The following TENM3 variants were observed in gnomAD, a reference collection of about 807,000 sequenced individuals.
TENM3 encodes the protein teneurin-3.
In TENM3, 63 loss-of-function variants were observed where a neutral mutation model predicts 255.1. The ratio of observed to expected loss-of-function variants is 0.25; its 90% CI spans 0.20 to 0.30. The LOEUF (loss-of-function observed/expected upper bound fraction) is 0.30. Among genes scored for constraint, TENM3 ranks in the 10% least tolerant of loss-of-function variants. The pLI, the probability that TENM3 is intolerant of heterozygous loss-of-function variation, is 1.00. For missense variants in TENM3, 2,929 were observed against 3,461.1 expected (o/e 0.85, Z 3.86); for synonymous variants, 1,306 against 1,322.3 (o/e 0.99, Z 0.27).
At chr4:181,569,966 G>A in the TENM3 span, among the ~76,000 whole-genome samples, 1 of 151,772 alleles carries the variant, frequency 6.6e-6, no homozygotes, top group Non-Finnish European at 1.5e-5. Context: ...GTTAGGAGGT[G>A]TGTGCAGGTA....
chr4:182,487,174 A>ATAGC (rs756383853), intron 3 of TENM3, among the ~76,000 whole-genome samples: 11 of 152,306 alleles, frequency 7.2e-5, no homozygotes, highest in Non-Finnish European at 1.2e-4. Context: ...AGAAACAGCC[A>ATAGC]TAGCTAGCCC....
In TENM3 at chr4:182,778,247, G is replaced by C. The variant is rs140138873; in HGVS notation, c.5304+3094G>C. ...CCCCTAAAGCTGCCCAGATTCAGAGGCTTAGAGAAAAAAAAATCGTAGTGA... is the reference window on the plus strand; with the variant it reads ...CCCCTAAAGCTGCCCAGATTCAGAGCCTTAGAGAAAAAAAAATCGTAGTGA... On this transcript the variant is annotated intron_variant, in intron 24 of 27. Transcript: ENST00000511685. Among the ~76,000 whole-genome samples the C allele has an allele frequency of 5.8e-3, 875 of 151,938 alleles. 5 individuals are homozygous for C. The highest frequency in any genetic ancestry group is 0.02 in the African/African-American group (816 of 41,436).
the TENM3 span, among the ~76,000 whole-genome samples, chr4:181,630,358 A>C: frequency 6.6e-6 from 1 of 151,796 alleles, no homozygotes; most frequent in Non-Finnish European, 1.5e-5. Flanking sequence ...CTCTGATTTT[A>C]GTTATTTATT....
the TENM3 span, among the ~76,000 whole-genome samples, chr4:181,678,842 A>AAAAC: frequency 4.9e-5 from 2 of 40,566 alleles, no homozygotes; most frequent in Admixed American, 4.1e-4. Flanking sequence ...TGTTTTAAAC[A>AAAAC]AAAAAAAAAA....
chr4:182,788,749 T>C (rs527946602), intron 24 of TENM3, among the ~76,000 whole-genome samples: 1 of 152,322 alleles, frequency 6.6e-6, no homozygotes, highest in South Asian at 2.1e-4. Context: ...CCAGTGTCTT[T>C]TGGGGGAGGA....
the TENM3 span, among the ~76,000 whole-genome samples, chr4:181,522,416 C>A: frequency 1.3e-5 from 2 of 152,132 alleles, no homozygotes; most frequent in African/African-American, 4.8e-5. Flanking sequence ...CCTGATTCAC[C>A]AAGCAGATCC....
the TENM3 span, among the ~76,000 whole-genome samples, chr4:181,893,511 A>T: frequency 3.8e-4 from 18 of 47,654 alleles, no homozygotes; most frequent in African/African-American, 1.4e-3. Flanking sequence ...CACCCCCACC[A>T]TTCCTCTTAG....
At chr4:182,440,162 G>T (rs1474079225) in intron 3 of TENM3, among the ~76,000 whole-genome samples, 2 of 135,400 alleles carry the variant, frequency 1.5e-5, no homozygotes, top group Admixed American at 8.5e-5. Context: ...GCCCAGGCTG[G>T]AGTGCAGCCG....
intron 3 of TENM3, among the ~76,000 whole-genome samples, chr4:182,425,931 C>T (rs1771173683): frequency 1.4e-5 from 2 of 146,266 alleles, no homozygotes; most frequent in South Asian, 4.5e-4. Flanking sequence ...TCACTTGAAC[C>T]CGGGAAGTGG....
chr4:182,468,480 C>G (rs987004730), intron 3 of TENM3, among the ~76,000 whole-genome samples: 1 of 152,180 alleles, frequency 6.6e-6, no homozygotes, highest in African/African-American at 2.4e-5. Flanking sequence ...CAAAGACCTT[C>G]AAAAGCAATG....
chr4:182,032,987 A>G, the TENM3 span, among the ~76,000 whole-genome samples: 2 of 147,460 alleles, frequency 1.4e-5, no homozygotes, highest in Non-Finnish European at 3.0e-5. Context: ...TTTTTTCAAA[A>G]AAAAAGTCCA....
Position 182,149,193 on chromosome 4 carries a change from T to G in TENM3, c.-76+4439T>G, listed in dbSNP as rs193069878. 2.0e-4 allele frequency among the ~76,000 whole-genome samples: 31 copies of G among 152,060 alleles called. No homozygotes were observed. The East Asian group carries it at 5.0e-3, about 25-fold the overall frequency. On this transcript the variant is annotated intron_variant, in intron 1 of 2. Transcript: ENST00000512480. ...ATTGGTGTTTTTCCAGCTTAAGACA[T>G]CCATTTAAAATAGTTTTAAATGCTA...
chr4:181,476,571 G>C, the TENM3 span, among the ~76,000 whole-genome samples: 1 of 152,248 alleles, frequency 6.6e-6, no homozygotes, highest in Middle Eastern at 3.4e-3. Context: ...GGTGAAAACA[G>C]CATTAATTTT....
chr4:181,730,685 G>A, the TENM3 span, among the ~76,000 whole-genome samples: 16 of 152,164 alleles, frequency 1.1e-4, no homozygotes, highest in African/African-American at 3.9e-4. Context: ...TCACTGTTTA[G>A]AGGGGTTTTA....
intron 3 of TENM3, among the ~76,000 whole-genome samples, chr4:182,420,287 G>T (rs1379420311): frequency 6.6e-6 from 1 of 152,034 alleles, no homozygotes; most frequent in African/African-American, 2.4e-5. Flanking sequence ...CACATTTGTG[G>T]CCATGAAATG....
At chr4:182,278,363 A>G (rs1361813523) in intron 1 of TENM3, among the ~76,000 whole-genome samples, 7 of 151,966 alleles carry the variant, frequency 4.6e-5, no homozygotes. Context: ...GCGAAATTCC[A>G]TCTCAAAAAC....
intron 3 of TENM3, among the ~76,000 whole-genome samples, chr4:182,524,145 T>C (rs557263735): frequency 8.8e-4 from 134 of 152,280 alleles, no homozygotes; most frequent in Non-Finnish European, 1.7e-3. Flanking sequence ...TAGAAGACAA[T>C]AGTTGCTGAA....
intron 5 of TENM3, among the ~76,000 whole-genome samples, chr4:182,651,565 C>T (rs962923572): frequency 4.6e-5 from 7 of 152,156 alleles, no homozygotes; most frequent in African/African-American, 1.4e-4. Context: ...GGCGTGGCGG[C>T]GTGCGCCTGT....
chr4:182,260,816 C>T (rs1320097193), intron 1 of TENM3, among the ~76,000 whole-genome samples: 1 of 152,088 alleles, frequency 6.6e-6, no homozygotes, highest in Non-Finnish European at 1.5e-5. Context: ...TGAACTGTAA[C>T]AGTTATCCCA....
Sources: gnomAD v4.1 joint callset for allele counts (sites outside exome capture counted in the v4.1 genomes callset) on GRCh38, gnomAD v4.1.1 for gene constraint, MANE v1.5 for transcripts, NCBI Gene and HGNC (gene_info 2026-07-23, HGNC 2026-07-21) for gene names.